NLRP11: variants seen among roughly 807,000 people sequenced by gnomAD.
The protein encoded by NLRP11 is NLR family pyrin domain containing 11, also known as NACHT, LRR and PYD domains-containing protein 11.
A neutral mutation model predicts 79.3 loss-of-function variants in NLRP11; 53 were observed. That is an observed-to-expected ratio of 0.67 (90% CI 0.54 to 0.84). NLRP11 has a LOEUF of 0.84. NLRP11 is among the 40% of genes least tolerant of loss of function. The probability of loss-of-function intolerance (pLI) is 0.00; values close to 1 mark genes in which losing one functional copy is unlikely to be tolerated. For missense variants in NLRP11, 1,264 were observed against 1,255.0 expected, an observed-to-expected ratio of 1.01 and a Z score of -0.11; for synonymous variants, 518 against 462.6, an observed-to-expected ratio of 1.12 and a Z score of -1.54.
In NLRP11 at chr19:55,824,854, G is replaced by A. The variant is rs553867403; in HGVS notation, c.-62-6618C>T. ...CACTGTCAACATTAGACAGATCAAC[G>A]AGACAGAAAGTCAACAAGGATACCC... On this transcript the variant is annotated intron_variant, in intron 1 of 9. Transcript: ENST00000589093. Among the ~76,000 whole-genome samples the A allele has an allele frequency of 4.2e-5, 4 of 95,584 alleles. 1 individual carries two copies. The highest frequency in any genetic ancestry group is 6.1e-4 in the South Asian group (2 of 3,260). The allele number at this position is 95,584 out of a possible 152,430, so 62.7% of individuals were successfully genotyped here. A position where few individuals can be genotyped will look rare whatever the true frequency, so the allele number is the denominator to read the frequency against.
intron 2 of NLRP11, 101 bp from the exon 3 acceptor site, chr19:55,810,439 T>C (rs1980497759): frequency 9.7e-7 from 1 of 1,031,270 alleles, no homozygotes; most frequent in Non-Finnish European, 1.4e-6. Flanking sequence ...AAAAATATAG[T>C]AGAAATTTTT....
chr19:55,810,623 A>T (rs1418894539), intron 2 of NLRP11, among the ~76,000 whole-genome samples: 1 of 152,022 alleles, frequency 6.6e-6, no homozygotes, highest in Non-Finnish European at 1.5e-5. Flanking sequence ...CAGCCTCCCA[A>T]GTAGCTAGGA....
At chr19:55,785,492 GTCACACACACACACACACACACACACAC>G in exon 10 of NLRP11, 1 of 652,302 alleles carries the variant, frequency 1.5e-6, no homozygotes, top group Non-Finnish European at 2.5e-6. Context: ...CTGGATCAAG[GTCACACACACACACACACACACACACAC>G]ACACACACAC....
chr19:55,806,935 A>T (rs113165726), intron 4 of NLRP11, among the ~76,000 whole-genome samples: 10 of 151,032 alleles, frequency 6.6e-5, no homozygotes, highest in African/African-American at 2.4e-4. Flanking sequence ...CTCAAATCTC[A>T]CTTTCTCTGT....
chr19:55,799,626 G>C (rs1979278430), intron 5 of NLRP11, among the ~76,000 whole-genome samples: 1 of 152,168 alleles, frequency 6.6e-6, no homozygotes, highest in Non-Finnish European at 1.5e-5. Context: ...TTAGCTGGGA[G>C]AATGTGATAG....
intron 1 of NLRP11, among the ~76,000 whole-genome samples, chr19:55,823,886 A>T (rs1223555649): frequency 7.0e-6 from 1 of 143,376 alleles, no homozygotes; most frequent in Admixed American, 7.2e-5. Context: ...AGGCAGGCCA[A>T]CGTTCAGATT....
At chr19:55,813,543 G>A (rs147689104) in intron 2 of NLRP11, among the ~76,000 whole-genome samples, 3 of 152,192 alleles carry the variant, frequency 2.0e-5, no homozygotes, top group East Asian at 1.9e-4. Flanking sequence ...GCGATATGTC[G>A]AGCCATCCCA....
chr19:55,818,037 C>G (rs1370395572), exon 2 of NLRP11: 2 of 1,614,178 alleles, frequency 1.2e-6, no homozygotes, highest in East Asian at 4.5e-5. Context: ...CTTTTGTCAT[C>G]TGTATCAGTG....
chr19:55,834,832 A>G (rs1568649944), upstream of NLRP11, among the ~76,000 whole-genome samples: 1 of 152,346 alleles, frequency 6.6e-6, no homozygotes. Context: ...CAAAAACATA[A>G]TAAGTGAAAA....
exon 7 of NLRP11, chr19:55,792,414 C>T: frequency 6.2e-7 from 1 of 1,614,140 alleles, no homozygotes; most frequent in Non-Finnish European, 8.5e-7. Context: ...TTGGGCTGAA[C>T]AGAAGCACTC....
chr19:55,808,967 C>T, exon 3 of NLRP11: 1 of 1,614,122 alleles, frequency 6.2e-7, no homozygotes, highest in Non-Finnish European at 8.5e-7. Context: ...CTCATAGAGA[C>T]AGTAAAACAA....
chr19:55,809,501 T>C lies in NLRP11; in HGVS notation c.1109A>G (p.His370Arg), dbSNP rs1980365921. Residue 370 changes from histidine to arginine, a missense_variant, in exon 3 of 10, where the codon CAT (histidine) becomes CGT (arginine). Coordinates refer to ENST00000589093, the Ensembl canonical transcript of NLRP11. This position sits in a 1 kb window ranked among gnomAD's most constrained non-coding sequence, Gnocchi z 4.5. Reference sequence around the variant, plus strand: ...CAACGCATCAGCAAGAAAGTGGGCATGTAGATCAGTGGGTGTTTGGCAGCA... The same window carrying C: ...CAACGCATCAGCAAGAAAGTGGGCACGTAGATCAGTGGGTGTTTGGCAGCA... The C allele has an allele frequency of 6.2e-7, 1 of 1,614,134 alleles. No individual in the cohort carries two copies. The highest frequency in any genetic ancestry group is 8.5e-7 in the Non-Finnish European group (1 of 1,180,018).
At chr19:55,823,693 C>T (rs968713692) in intron 1 of NLRP11, among the ~76,000 whole-genome samples, 5 of 149,496 alleles carry the variant, frequency 3.3e-5, no homozygotes, top group East Asian at 2.0e-4. Flanking sequence ...TGAAATGAAG[C>T]GAGAAGGGAA....
At chr19:55,791,101 C>T (rs1990208018) in intron 7 of NLRP11, among the ~76,000 whole-genome samples, 2 of 152,182 alleles carry the variant, frequency 1.3e-5, no homozygotes, top group South Asian at 4.1e-4. Flanking sequence ...ACCCATTTGA[C>T]ATTTTTCATG....
At chr19:55,797,964 A>T (rs1184335532) in intron 5 of NLRP11, among the ~76,000 whole-genome samples, 1 of 151,670 alleles carries the variant, frequency 6.6e-6, no homozygotes, top group Non-Finnish European at 1.5e-5. Context: ...AGCCAGGGCC[A>T]CCCAGCGTGA....
At chr19:55,789,478 G>A in intron 7 of NLRP11, 79 bp from the exon 8 acceptor site, 1 of 1,330,254 alleles carries the variant, frequency 7.5e-7, no homozygotes, top group Non-Finnish European at 1.0e-6. Flanking sequence ...AGCATTCTTG[G>A]ACCCGTCTTG....
chr19:55,785,979 T>C, intron 9 of NLRP11, 108 bp from the exon 10 acceptor site: 1 of 1,203,322 alleles, frequency 8.3e-7, no homozygotes. Flanking sequence ...TTCTTGGGAG[T>C]ATCTCAAGCC....
At chr19:55,810,378 A>G (rs1376869653) in intron 2 of NLRP11, 40 bp from the exon 3 acceptor site, 23 of 1,536,864 alleles carry the variant, frequency 1.5e-5, no homozygotes, top group Non-Finnish European at 1.9e-5. Flanking sequence ...CAGAACAAAG[A>G]TGAAAGTTCA....
At position 55,797,218 on chromosome 19, in the gene NLRP11, G is replaced by A. The variant is rs1336660499; in HGVS notation, c.2172-968C>T. On this transcript the variant is annotated intron_variant, in intron 5 of 9. Transcript: ENST00000589093. Reference sequence around the variant, plus strand: ...GGAGACTGAGGTGGGCGGATCACTTGAACTCAGGAGTTCGAGGCTGCAGTG... The same window carrying A: ...GGAGACTGAGGTGGGCGGATCACTTAAACTCAGGAGTTCGAGGCTGCAGTG... 2.0e-5 allele frequency among the ~76,000 whole-genome samples: 3 copies of A among 152,178 alleles called. No homozygotes were observed. The East Asian group carries it at 5.8e-4, about 29-fold the overall frequency.
Sources: gnomAD v4.1 joint callset for allele counts (sites outside exome capture counted in the v4.1 genomes callset) on GRCh38, gnomAD v4.1.1 for gene constraint, Gnocchi (gnomAD v3.1) non-coding constraint, MANE v1.5 for transcripts, NCBI Gene and HGNC (gene_info 2026-07-23, HGNC 2026-07-21) for gene names.